FAM210A: variants seen among roughly 807,000 people sequenced by gnomAD.
The protein encoded by FAM210A is mitochondrial inner membrane scaffold 1.
Under a neutral mutation model 25.3 loss-of-function variants are expected in FAM210A, and 13 were observed. The observed-to-expected ratio is 0.51, with a 90% CI of 0.33 to 0.82. The LOEUF (loss-of-function observed/expected upper bound fraction) is 0.82. Among genes scored for constraint, FAM210A ranks in the 40% least tolerant of loss-of-function variants. The pLI, the probability that FAM210A is intolerant of heterozygous loss-of-function variation, is 0.02. For synonymous variants in FAM210A, 125 were observed against 118.7 expected, an observed-to-expected ratio of 1.05 and a Z score of -0.35; for missense variants, 319 against 323.2, an observed-to-expected ratio of 0.99 and a Z score of 0.10.
At chr18:13,726,073 A>G (rs1047572048) in intron 1 of FAM210A, among the ~76,000 whole-genome samples, 2 of 152,234 alleles carry the variant, frequency 1.3e-5, no homozygotes, top group Admixed American at 6.5e-5. Context: ...GCTGAAAAAC[A>G]GTCCCAAAGC....
Position 13,713,725 on chromosome 18 carries a change from A to AACACACACACACACACACACACAC in FAM210A, c.-29+12580_-29+12603dup, listed in dbSNP as rs55691136. On this transcript the variant is annotated intron_variant, in intron 1 of 3. Coordinates refer to ENST00000651643, the MANE Select transcript of FAM210A (RefSeq NM_152352.4). ...GTAGCGGGGAAGTATGTCACTATAAAACACACACACACACACACACACACA... is the reference window on the plus strand; with the variant it reads ...GTAGCGGGGAAGTATGTCACTATAAAACACACACACACACACACACACACACACACACACACACACACACACACA... Among the ~76,000 whole-genome samples the AACACACACACACACACACACACAC allele has an allele frequency of 9.8e-3, 1,387 of 141,968 alleles. 15 individuals carry two copies. Among genetic ancestry groups the AACACACACACACACACACACACAC allele is most frequent in the African/African-American group, 0.014 (533 of 37,800 alleles). 93.1% of individuals were successfully genotyped at this position (141,968 alleles called of 152,430 possible).
intron 1 of FAM210A, chr18:13,710,209 G>A (rs1487797790): frequency 6.6e-6 from 1 of 151,730 alleles, no homozygotes; most frequent in African/African-American, 2.4e-5. Flanking sequence ...TTTGAAACAA[G>A]GTCTCACTCT....
At chr18:13,684,774 T>C (rs894207199) in intron 1 of FAM210A, among the ~76,000 whole-genome samples, 25 of 152,216 alleles carry the variant, frequency 1.6e-4, no homozygotes, top group Non-Finnish European at 1.9e-4. Flanking sequence ...CAAGTTCACA[T>C]GGAACATTCA....
intron 1 of FAM210A, among the ~76,000 whole-genome samples, chr18:13,694,705 T>C (rs1343467430): frequency 2.0e-5 from 3 of 152,254 alleles, no homozygotes; most frequent in South Asian, 2.1e-4. Context: ...ACACCTTATA[T>C]GAAAATTAAT....
chr18:13,681,545 A>G, intron 2 of FAM210A, 60 bp downstream of exon 2: 1 of 1,324,156 alleles, frequency 7.6e-7, no homozygotes, highest in Admixed American at 2.3e-5. Context: ...CATTAGTACA[A>G]TTAAAAAGAT....
intron 1 of FAM210A, among the ~76,000 whole-genome samples, chr18:13,698,790 C>T (rs753820832): frequency 7.2e-5 from 11 of 152,168 alleles, no homozygotes; most frequent in Non-Finnish European, 1.3e-4. Context: ...TTATCGATAT[C>T]CTCCGGGGCA....
At chr18:13,683,911 TGTC>T (rs2043575478) in intron 1 of FAM210A, among the ~76,000 whole-genome samples, 1 of 152,278 alleles carries the variant, frequency 6.6e-6, no homozygotes, top group African/African-American at 2.4e-5. Flanking sequence ...AAACAAAAAC[TGTC>T]ATCATATAAA....
Position 13,681,700 on chromosome 18 carries a change from G to C in FAM210A, c.378C>G (p.Phe126Leu). The stretch of plus-strand genomic sequence containing the variant: ...TTCCATACTGTCTAAATGTCTTCTT[G>C]AATCGTTGATAAAGACTAATAGATT... ...QDKSISLYQR[F>L]KKTFRQYGKV... is the part of the protein sequence containing the mutation. Residue 126 changes from phenylalanine to leucine, a missense_variant, in exon 2 of 4, where the codon TTC (phenylalanine) becomes TTG (leucine). By Grantham distance (22) the Phe-to-Leu change is conservative (BLOSUM62 0). Coordinates refer to ENST00000651643, the MANE Select transcript of FAM210A (RefSeq NM_152352.4). The C allele has an allele frequency of 6.2e-7, 1 of 1,614,168 alleles. No individual in the cohort carries two copies.
At chr18:13,720,425 T>C (rs1347915588) in intron 1 of FAM210A, among the ~76,000 whole-genome samples, 1 of 152,154 alleles carries the variant, frequency 6.6e-6, no homozygotes, top group Non-Finnish European at 1.5e-5. Context: ...GAGGAATTTG[T>C]CATCTCCAAA....
intron 1 of FAM210A, among the ~76,000 whole-genome samples, chr18:13,688,192 T>C (rs957415136): frequency 1.5e-4 from 23 of 152,144 alleles, no homozygotes; most frequent in African/African-American, 5.3e-4. Flanking sequence ...AAACCCCACC[T>C]TTGAGCAGGA....
chr18:13,671,531 C>T (rs2043441964), intron 3 of FAM210A, among the ~76,000 whole-genome samples: 2 of 151,756 alleles, frequency 1.3e-5, no homozygotes, highest in Admixed American at 1.3e-4. Flanking sequence ...TTCCTAAAAC[C>T]ACATTTTTAC....
At position 13,673,879 on chromosome 18, in the gene FAM210A, G is replaced by T. The variant is rs2043466827; in HGVS notation, c.474-1906C>A. On this transcript the variant is annotated intron_variant, in intron 2 of 3. Transcript: ENST00000651643. Reference sequence around the variant, plus strand: ...CTGAGCCCTGGCTTCTTTATTTCCAGTTTCTGATTATTAACATTCCTGAGC... The same window carrying T: ...CTGAGCCCTGGCTTCTTTATTTCCATTTTCTGATTATTAACATTCCTGAGC... 2.3e-3 allele frequency among the ~76,000 whole-genome samples: 3 copies of T among 1,314 alleles called. 1 individual carries two copies. The highest frequency in any genetic ancestry group is 0.011 in the African/African-American group (2 of 188). The allele number at this position is 1,314 out of a possible 152,430, so 0.9% of individuals were successfully genotyped here.
At chr18:13,705,069 T>A (rs2043767365) in intron 1 of FAM210A, among the ~76,000 whole-genome samples, 1 of 152,212 alleles carries the variant, frequency 6.6e-6, no homozygotes, top group Non-Finnish European at 1.5e-5. Context: ...CCTGGAACTT[T>A]AATAAAAAGA....
intron 1 of FAM210A, among the ~76,000 whole-genome samples, chr18:13,683,303 T>C (rs897109267): frequency 2.0e-5 from 3 of 152,170 alleles, no homozygotes; most frequent in Admixed American, 6.5e-5. Flanking sequence ...GCGAGAAGAA[T>C]TGCCTGGTAT....
At chr18:13,683,710 C>T (rs1331141949) in intron 1 of FAM210A, among the ~76,000 whole-genome samples, 1 of 151,994 alleles carries the variant, frequency 6.6e-6, no homozygotes. Context: ...CAGGTGGTAC[C>T]ACACATGCCT....
rs550891366 is a variant in FAM210A, at chr18:13,715,718, T to C, written c.-29+10611A>G. Among the ~76,000 whole-genome samples, 3 of 152,348 alleles carry C rather than the reference T, an allele frequency of 2.0e-5. No homozygotes were observed. In the South Asian group the frequency reaches 6.2e-4, roughly 32 times the overall value. ...TTTGTACTTTCTTAATGGAAAAAAG[T>C]ATATTTTTAAAAACAGCTCTGATAT... On this transcript the variant is annotated intron_variant, in intron 1 of 3. Transcript: ENST00000651643.
At chr18:13,702,467 A>T (rs534515758) in intron 1 of FAM210A, among the ~76,000 whole-genome samples, 2 of 152,302 alleles carry the variant, frequency 1.3e-5, no homozygotes, top group South Asian at 4.1e-4. Context: ...TCCCTCACAC[A>T]AACAAAAAAA....
At chr18:13,695,537 A>T (rs1288719323) in intron 1 of FAM210A, among the ~76,000 whole-genome samples, 2 of 152,222 alleles carry the variant, frequency 1.3e-5, no homozygotes, top group South Asian at 4.1e-4. Flanking sequence ...TGCAGCCATA[A>T]AAAAGGATGA....
At chr18:13,675,975 G>GCTGACC (rs1270389797) in intron 2 of FAM210A, among the ~76,000 whole-genome samples, 1 of 44,494 alleles carries the variant, frequency 2.2e-5, no homozygotes, top group Non-Finnish European at 4.3e-5. Context: ...TTCCTGAGCC[G>GCTGACC]TGGTAACTTC....
Sources: gnomAD v4.1 joint callset for allele counts (sites outside exome capture counted in the v4.1 genomes callset) on GRCh38, gnomAD v4.1.1 for gene constraint, MANE v1.5 for transcripts, NCBI Gene and HGNC (gene_info 2026-07-23, HGNC 2026-07-21) for gene names.